The following DGKB variants were observed in gnomAD, a reference collection of about 807,000 sequenced individuals.
The protein encoded by DGKB is 90 kDa diacylglycerol kinase.
Under a neutral mutation model 114.3 loss-of-function variants are expected in DGKB, and 67 were observed. The ratio of observed to expected loss-of-function variants is 0.59; its 90% CI spans 0.48 to 0.72. The LOEUF (loss-of-function observed/expected upper bound fraction) is 0.72. Among genes scored for constraint, DGKB ranks in the 30% least tolerant of loss-of-function variants. The pLI is 0.00. For synonymous variants in DGKB, 398 were observed against 323.1 expected (o/e 1.23, Z -2.49); for missense variants, 907 against 975.2 (o/e 0.93, Z 0.93).
upstream of DGKB, among the ~76,000 whole-genome samples, chr7:14,905,988 C>G (rs1455017310): frequency 6.6e-6 from 1 of 152,104 alleles, no homozygotes; most frequent in East Asian, 1.9e-4. Context: ...CCTTTCATAT[C>G]TATCACTCAC....
chr7:14,333,230 T>C (rs1470956969), intron 23 of DGKB, among the ~76,000 whole-genome samples: 1 of 151,792 alleles, frequency 6.6e-6, no homozygotes, highest in Non-Finnish European at 1.5e-5. Flanking sequence ...AGGCCGAGGA[T>C]GGTGAATGAT....
At chr7:14,304,091 T>A (rs868577143) in intron 23 of DGKB, among the ~76,000 whole-genome samples, 2,284 of 57,390 alleles carry the variant, frequency 0.04, 71 homozygotes, top group African/African-American at 0.099. Context: ...ACACACACTC[T>A]CTCTCTCTCA....
At chr7:14,233,322 A>G (rs1018877117) in intron 23 of DGKB, among the ~76,000 whole-genome samples, 1 of 152,078 alleles carries the variant, frequency 6.6e-6, no homozygotes, top group African/African-American at 2.4e-5. Context: ...CTGAAGAGCA[A>G]TGTCAAAGTC....
At chr7:14,957,813 T>C (rs117127294) in intron 1 of DGKB, among the ~76,000 whole-genome samples, 2,665 of 152,144 alleles carry the variant, frequency 0.018, 43 homozygotes, top group Middle Eastern at 0.038. Flanking sequence ...ATTATTTAAT[T>C]TGGCAATAAA....
chr7:14,236,238 C>T lies in DGKB; in HGVS notation c.2123-58087G>A, dbSNP rs185518404. ...TAATTATTACAAATTAACCAAGCTTCAGAAGAGGTAAACTCCCAACATGAA... is the reference window on the plus strand; with the variant it reads ...TAATTATTACAAATTAACCAAGCTTTAGAAGAGGTAAACTCCCAACATGAA... On this transcript the variant is annotated intron_variant, in intron 23 of 25. Coordinates refer to ENST00000402815, the MANE Select transcript of DGKB (RefSeq NM_001350709.2). Among the ~76,000 whole-genome samples the T allele has an allele frequency of 1.2e-4, 18 of 151,826 alleles. 1 individual carries two copies. The East Asian group carries it at 3.5e-3, about 29-fold the overall frequency.
rs1808201531 is a variant in DGKB at position 14,624,382 on chromosome 7, T to C, written c.1168-2888A>G. On this transcript the variant is annotated intron_variant, in intron 14 of 25. Coordinates refer to ENST00000402815, the MANE Select transcript of DGKB (RefSeq NM_001350709.2). ...CAATTGTTGTTTGGCATTCAATTTA[T>C]AAAATGCTTACACTTGAAGAATTAA... is the stretch of plus-strand genomic sequence containing the variant. Among the ~76,000 whole-genome samples the C allele has an allele frequency of 2.6e-5, 4 of 152,210 alleles. No homozygotes were observed. The South Asian group carries it at 8.3e-4, about 31-fold the overall frequency.
In DGKB at chr7:14,149,339, A is replaced by T. The variant is rs1358844432; in HGVS notation, c.2305-101T>A. On this transcript the variant is annotated intron_variant, in intron 25 of 25. Coordinates refer to ENST00000402815, the MANE Select transcript of DGKB (RefSeq NM_001350709.2). Reference sequence around the variant, plus strand: ...TCTCTGTTAAGGTTAATAATATTTCATGAGTGACTGAAACACCGCAAGTGT... The same window carrying T: ...TCTCTGTTAAGGTTAATAATATTTCTTGAGTGACTGAAACACCGCAAGTGT... 8.8e-6 allele frequency: 7 copies of T among 791,928 alleles called. No homozygotes were observed. The South Asian group carries it at 1.3e-4, about 15-fold the overall frequency. 49.1% of individuals were successfully genotyped at this position (791,928 alleles called of 1,614,324 possible).
At chr7:14,692,532 A>C (rs1054050583) in intron 9 of DGKB, among the ~76,000 whole-genome samples, 3 of 151,982 alleles carry the variant, frequency 2.0e-5, no homozygotes, top group African/African-American at 7.2e-5. Flanking sequence ...TTTTTGTCAT[A>C]AGGTACATGA....
chr7:14,498,803 C>G (rs1365770056), intron 20 of DGKB, among the ~76,000 whole-genome samples: 1 of 151,662 alleles, frequency 6.6e-6, no homozygotes, highest in Non-Finnish European at 1.5e-5. Context: ...CCTTATACAG[C>G]AATATAGTTT....
chr7:14,479,583 G>C (rs1782690199), intron 20 of DGKB, among the ~76,000 whole-genome samples: 1 of 152,026 alleles, frequency 6.6e-6, no homozygotes, highest in African/African-American at 2.4e-5. Flanking sequence ...CAACTTCCTG[G>C]TTTGCTAGGA....
chr7:14,745,610 T>G (rs746254617), intron 4 of DGKB, among the ~76,000 whole-genome samples: 19 of 152,152 alleles, frequency 1.2e-4, no homozygotes, highest in Non-Finnish European at 2.4e-4. Flanking sequence ...AGGGCCCACA[T>G]GTGCACTGGA....
At chr7:14,615,861 C>T (rs990867687) in intron 15 of DGKB, among the ~76,000 whole-genome samples, 1 of 151,420 alleles carries the variant, frequency 6.6e-6, no homozygotes, top group Admixed American at 6.6e-5. Flanking sequence ...CAGAGAGGTC[C>T]ATCAAATAAG....
At chr7:14,601,368 ATCTCTGAAACGTTTTCAGGGCCACTCT>A (rs113471540) in intron 17 of DGKB, among the ~76,000 whole-genome samples, 4,205 of 152,200 alleles carry the variant, frequency 0.028, 209 homozygotes, top group African/African-American at 0.096. Flanking sequence ...AGCCTTGAAG[ATCTCTGAAACGTTTTCAGGGCCACTCT>A]TCCATTGTCT....
intron 21 of DGKB, among the ~76,000 whole-genome samples, chr7:14,461,918 G>T (rs987548341): frequency 6.6e-6 from 1 of 152,144 alleles, no homozygotes; most frequent in Non-Finnish European, 1.5e-5. Flanking sequence ...CGATCACCTT[G>T]ACCTCATCCC....
intron 23 of DGKB, among the ~76,000 whole-genome samples, chr7:14,248,714 C>A (rs995820364): frequency 6.6e-6 from 1 of 152,000 alleles, no homozygotes; most frequent in Non-Finnish European, 1.5e-5. Flanking sequence ...CAATACTATT[C>A]AATTCATTTT....
At chr7:14,780,678 T>G (rs887055059) in intron 2 of DGKB, among the ~76,000 whole-genome samples, 5 of 152,160 alleles carry the variant, frequency 3.3e-5, no homozygotes, top group Non-Finnish European at 5.9e-5. Context: ...CTTACTGAGG[T>G]GCTTACTATA....
intron 25 of DGKB, among the ~76,000 whole-genome samples, chr7:14,150,794 T>C (rs979086296): frequency 1.3e-5 from 2 of 152,238 alleles, no homozygotes; most frequent in Middle Eastern, 3.4e-3. Context: ...CCTTATGTCA[T>C]TGAGATTTAA....
At chr7:14,905,936 G>C (rs939333958), upstream of DGKB, among the ~76,000 whole-genome samples, 7 of 152,076 alleles carry the variant, frequency 4.6e-5, no homozygotes, top group Non-Finnish European at 1.0e-4. Flanking sequence ...TAAATAACTG[G>C]CACTTTAAGG....
rs183632595 is a variant in DGKB at position 14,149,249 on chromosome 7, A to G, written c.2305-11T>C. 8.7e-7 allele frequency: 1 copy of G among 1,148,250 alleles called. No homozygotes were observed. The highest frequency in any genetic ancestry group is 1.2e-6 in the Non-Finnish European group (1 of 837,062). The allele number at this position is 1,148,250 out of a possible 1,614,324, so 71.1% of individuals were successfully genotyped here. A position where few individuals can be genotyped will look rare whatever the true frequency, so the allele number is the denominator to read the frequency against. ...GTGTGTAATTTTTATCTAGAAAAAA[A>G]GAGAGAGAGAGAGAGAGAAAGAATA... On this transcript the variant is annotated splice_polypyrimidine_tract_variant and intron_variant, in intron 25 of 25. Transcript: ENST00000402815.
Sources: allele counts gnomAD v4.1 joint callset (sites outside exome capture counted in the v4.1 genomes callset), GRCh38; gene constraint gnomAD v4.1.1; transcripts MANE v1.5; gene names NCBI Gene and HGNC (gene_info 2026-07-23, HGNC 2026-07-21).